The following AGBL3 variants were observed in gnomAD, a reference collection of about 807,000 sequenced individuals.
AGBL3 encodes the protein AGBL carboxypeptidase 3.
In AGBL3, 68 loss-of-function variants were observed where a neutral mutation model predicts 94.5. The observed-to-expected ratio is 0.72, with a 90% CI of 0.59 to 0.88. The LOEUF (loss-of-function observed/expected upper bound fraction) is 0.88, where lower values mean the gene tolerates loss of function less well. AGBL3 is among the 40% of genes least tolerant of loss of function. The pLI, the probability that AGBL3 is intolerant of heterozygous loss-of-function variation, is 0.00. For missense variants in AGBL3, 934 were observed against 1,103.8 expected (o/e 0.85, Z 2.18); for synonymous variants, 354 against 370.7 (o/e 0.95, Z 0.52).
At chr7:135,014,848 G>A (rs1813580852) in intron 4 of AGBL3, among the ~76,000 whole-genome samples, 1 of 152,178 alleles carries the variant, frequency 6.6e-6, no homozygotes, top group African/African-American at 2.4e-5. Flanking sequence ...CTGGGAACAT[G>A]ACTTTGACTA....
At chr7:135,121,784 C>T (rs1827169948) in intron 16 of AGBL3, among the ~76,000 whole-genome samples, 1 of 152,136 alleles carries the variant, frequency 6.6e-6, no homozygotes, top group South Asian at 2.1e-4. Context: ...TGCAGTGGCC[C>T]ACCTGAGAGC....
intron 15 of AGBL3, chr7:135,101,318 A>G: frequency 2.2e-6 from 1 of 452,988 alleles, no homozygotes; most frequent in South Asian, 1.6e-5. Flanking sequence ...TCATGCATAC[A>G]AAGATGGTTT....
chr7:135,087,243 C>G (rs1032613681), intron 15 of AGBL3, among the ~76,000 whole-genome samples: 7 of 150,986 alleles, frequency 4.6e-5, no homozygotes, highest in Middle Eastern at 3.4e-3. Context: ...CTTGGTTATT[C>G]TAGCTAATGT....
At chr7:135,007,665 G>T (rs1188537826) in intron 4 of AGBL3, among the ~76,000 whole-genome samples, 1 of 151,852 alleles carries the variant, frequency 6.6e-6, no homozygotes, top group African/African-American at 2.4e-5. Flanking sequence ...TCTAGCCAGG[G>T]TAATTAGACA....
intron 16 of AGBL3, among the ~76,000 whole-genome samples, chr7:135,126,549 A>G (rs901332809): frequency 1.3e-5 from 2 of 152,240 alleles, no homozygotes; most frequent in Non-Finnish European, 2.9e-5. Flanking sequence ...TTTAAATTTC[A>G]TATGGAATCA....
intron 16 of AGBL3, among the ~76,000 whole-genome samples, chr7:135,120,299 A>G (rs1366264370): frequency 6.6e-6 from 1 of 152,248 alleles, no homozygotes. Flanking sequence ...TATACATAAA[A>G]GACATATTTA....
chr7:135,113,272 T>C (rs951086409), intron 15 of AGBL3, among the ~76,000 whole-genome samples: 13 of 152,332 alleles, frequency 8.5e-5, no homozygotes, highest in Middle Eastern at 3.4e-3. Context: ...AAAAAACTTA[T>C]TGTAGAAATT....
intron 7 of AGBL3, 150 bp from the exon 8 acceptor site, chr7:135,037,268 T>C (rs998579952): frequency 8.2e-5 from 44 of 535,212 alleles, no homozygotes; most frequent in African/African-American, 6.1e-4. Context: ...ATTTAAAAAA[T>C]TGTATATTAA....
At chr7:135,089,036 T>A (rs1052269666) in intron 15 of AGBL3, among the ~76,000 whole-genome samples, 1 of 151,446 alleles carries the variant, frequency 6.6e-6, no homozygotes, top group African/African-American at 2.4e-5. Context: ...GTGTCCCATA[T>A]GTCTTGCAGG....
chr7:135,066,090 C>T (rs1396927151), intron 12 of AGBL3, among the ~76,000 whole-genome samples: 1 of 152,018 alleles, frequency 6.6e-6, no homozygotes, highest in Non-Finnish European at 1.5e-5. Flanking sequence ...GCTATAACAC[C>T]AAAAGCATAG....
At chr7:135,033,637 G>C (rs1402023693) in intron 6 of AGBL3, among the ~76,000 whole-genome samples, 1 of 152,080 alleles carries the variant, frequency 6.6e-6, no homozygotes, top group African/African-American at 2.4e-5. Flanking sequence ...CTAAGTAAAG[G>C]GATGCAAATA....
chr7:134,986,824 G>A (rs1181433336), intron 1 of AGBL3, 123 bp downstream of exon 1: 1 of 152,304 alleles, frequency 6.6e-6, no homozygotes. Context: ...CCGGAGTTGT[G>A]GCCTCATCGT....
chr7:135,122,742 A>G (rs1015019022), intron 16 of AGBL3, among the ~76,000 whole-genome samples: 5 of 152,126 alleles, frequency 3.3e-5, no homozygotes, highest in African/African-American at 1.2e-4. Context: ...CCAGGAGTGA[A>G]CCAGATGACG....
At chr7:135,133,635 G>C (rs1160702442) in intron 16 of AGBL3, among the ~76,000 whole-genome samples, 1 of 152,128 alleles carries the variant, frequency 6.6e-6, no homozygotes, top group African/African-American at 2.4e-5. Context: ...TTGCTCCACT[G>C]ATTTTGATAG....
At chr7:135,052,520 C>A (rs1476851500) in intron 11 of AGBL3, among the ~76,000 whole-genome samples, 3 of 152,104 alleles carry the variant, frequency 2.0e-5, no homozygotes, top group African/African-American at 7.2e-5. Flanking sequence ...GAACCCATCA[C>A]CCAAATTGTG....
intron 16 of AGBL3, among the ~76,000 whole-genome samples, chr7:135,118,211 A>C (rs1271798858): frequency 1.3e-5 from 2 of 152,158 alleles, no homozygotes; most frequent in Non-Finnish European, 2.9e-5. Context: ...TTGTAACCAA[A>C]GAGGTCTTAG....
At chr7:135,016,944 A>T in intron 4 of AGBL3, 108 bp from the exon 5 acceptor site, 1 of 734,842 alleles carries the variant, frequency 1.4e-6, no homozygotes, top group Non-Finnish European at 2.3e-6. Flanking sequence ...CACACAAAAC[A>T]CTACATTTTA....
chr7:135,059,231 C>T lies in AGBL3; in HGVS notation c.1904C>T (p.Ser635Phe). Reference protein sequence around the residue: ...DSLTYLLKLTSQKKHLKTKKE... With the variant: ...DSLTYLLKLTFQKKHLKTKKE... ...CTGACTTACCTTCTCAAGTTAACTT[C>T]TCAGGTATGACTGAACATTTTTGCT... Residue 635 changes from serine (S) to phenylalanine (F), a missense_variant, in exon 12 of 17, where the codon TCT becomes TTT. This residue lies in a region of AGBL3 where 441 missense variants were observed against 518.2 expected (regional missense o/e 0.85). Transcript: ENST00000436302. 1 of 1,550,348 alleles carries T rather than the reference C, an allele frequency of 6.5e-7. No individual in the cohort carries two copies. The highest frequency in any genetic ancestry group is 8.7e-7 in the Non-Finnish European group (1 of 1,145,994).
chr7:135,115,866 CATAA>C (rs1278332092), intron 16 of AGBL3: 3 of 366,218 alleles, frequency 8.2e-6, no homozygotes, highest in South Asian at 4.7e-5. Context: ...ATAAAGTAGG[CATAA>C]ATAAAGTATG....
Sources: allele counts gnomAD v4.1 joint callset (sites outside exome capture counted in the v4.1 genomes callset), GRCh38; gene constraint gnomAD v4.1.1; regional missense constraint gnomAD v4.1.1; transcripts MANE v1.5; gene names NCBI Gene and HGNC (gene_info 2026-07-23, HGNC 2026-07-21).